The following ATXN1 variants were observed in gnomAD, a reference collection of about 807,000 sequenced individuals.
ATXN1 encodes ataxin 1, also known as ataxin-1.
Under a neutral mutation model 56.4 loss-of-function variants are expected in ATXN1, and 8 were observed. The observed-to-expected ratio is 0.14, with a 90% CI of 0.08 to 0.26. The LOEUF (loss-of-function observed/expected upper bound fraction) is 0.26, where lower values mean the gene tolerates loss of function less well. Ranked by LOEUF, ATXN1 falls within the 10% of genes least tolerant of loss-of-function variation. ATXN1 has a pLI of 1.00. For missense variants in ATXN1, 987 were observed against 1,106.5 expected, an observed-to-expected ratio of 0.89 and a Z score of 1.53; for synonymous variants, 514 against 494.6, an observed-to-expected ratio of 1.04 and a Z score of -0.52.
chr6:16,601,255 C>CT (rs1278230079), intron 3 of ATXN1, among the ~76,000 whole-genome samples: 5 of 152,116 alleles, frequency 3.3e-5, no homozygotes, highest in African/African-American at 1.2e-4. Context: ...TGTAGGTAGT[C>CT]TAAGTTATGT....
At chr6:16,485,874 T>A (rs931037740) in intron 6 of ATXN1, 98 bp downstream of exon 6, 6 of 152,224 alleles carry the variant, frequency 3.9e-5, no homozygotes, top group African/African-American at 1.4e-4. Context: ...CTAGAGCTCA[T>A]GCTAATACCC....
chr6:16,567,498 G>C (rs936258742), intron 4 of ATXN1, among the ~76,000 whole-genome samples: 52 of 152,098 alleles, frequency 3.4e-4, no homozygotes, highest in African/African-American at 1.2e-3. Flanking sequence ...TGTGAGGGGG[G>C]AACAAAGTAT....
chr6:16,733,482 G>A (rs911715262), intron 2 of ATXN1, among the ~76,000 whole-genome samples: 1 of 151,290 alleles, frequency 6.6e-6, no homozygotes, highest in Non-Finnish European at 1.5e-5. Context: ...AGGATCACTT[G>A]AGCCCAAGGG....
At chr6:16,730,963 G>T (rs532248079) in intron 2 of ATXN1, among the ~76,000 whole-genome samples, 37 of 152,240 alleles carry the variant, frequency 2.4e-4, no homozygotes, top group Non-Finnish European at 4.9e-4. Flanking sequence ...TTTAAAAGTA[G>T]CTCATATTGA....
Position 16,402,242 on chromosome 6 carries a change from GTTTTTTTTTTTTTTTTTTTTTTT to G in ATXN1, c.-160-73795_-160-73773del, listed in dbSNP as rs58048762. The stretch of plus-strand genomic sequence containing the variant: ...CAAGACTTCTCGCCAACCACTGACA[GTTTTTTTTTTTTTTTTTTTTTTT>G]TTTTTTTTTTTTTTTGCTTCTAGTT... On this transcript the variant is annotated intron_variant, in intron 6 of 7. Coordinates refer to ENST00000436367, the MANE Select transcript of ATXN1 (RefSeq NM_001128164.2). Among the ~76,000 whole-genome samples the G allele has an allele frequency of 3.9e-3, 240 of 62,124 alleles. 2 individuals carry two copies. Among genetic ancestry groups the G allele is most frequent in the African/African-American group, 0.015 (223 of 15,010 alleles). 40.8% of individuals were successfully genotyped at this position (62,124 alleles called of 152,430 possible). A position where few individuals can be genotyped will look rare whatever the true frequency, so the allele number is the denominator to read the frequency against.
chr6:16,493,446 G>GTTT (rs1174959883), intron 5 of ATXN1, among the ~76,000 whole-genome samples: 4 of 115,460 alleles, frequency 3.5e-5, no homozygotes, highest in Admixed American at 8.8e-5. Context: ...TCAATCAGAA[G>GTTT]TTTTTTTTTT....
intron 3 of ATXN1, among the ~76,000 whole-genome samples, chr6:16,623,220 C>G (rs1763350131): frequency 6.6e-6 from 1 of 152,098 alleles, no homozygotes; most frequent in Admixed American, 6.6e-5. Flanking sequence ...TAGGAAACAC[C>G]TAGAAGGAAA....
At chr6:16,603,082 C>T (rs532646205) in intron 3 of ATXN1, among the ~76,000 whole-genome samples, 4 of 152,262 alleles carry the variant, frequency 2.6e-5, no homozygotes, top group East Asian at 1.9e-4. Context: ...TAAAAGCAGC[C>T]GACTGGGATT....
chr6:16,704,148 G>A (rs548399219), intron 2 of ATXN1, among the ~76,000 whole-genome samples: 4 of 152,302 alleles, frequency 2.6e-5, no homozygotes, highest in East Asian at 3.9e-4. Context: ...CACACTGTAC[G>A]AATGTTTTGG....
intron 7 of ATXN1, among the ~76,000 whole-genome samples, chr6:16,319,779 G>C (rs1000407938): frequency 1.7e-4 from 26 of 151,728 alleles, no homozygotes; most frequent in African/African-American, 6.1e-4. Flanking sequence ...ACAACAGTCT[G>C]AGAGAATCAA....
intron 7 of ATXN1, among the ~76,000 whole-genome samples, chr6:16,309,120 C>T (rs1760325817): frequency 6.6e-6 from 1 of 151,260 alleles, no homozygotes; most frequent in Non-Finnish European, 1.5e-5. Flanking sequence ...GTCCCAACTA[C>T]TCAGGAGGCT....
rs1241163520 is a variant in ATXN1 at position 16,753,223 on chromosome 6, A to G, written c.-615+10T>C. 13 of 456,626 alleles carry G rather than the reference A, an allele frequency of 2.8e-5. No homozygotes were observed. Among genetic ancestry groups the G allele is most frequent in the Admixed American group, 2.6e-4 (11 of 42,582 alleles). 28.3% of individuals were successfully genotyped at this position (456,626 alleles called of 1,614,324 possible). On this transcript the variant is annotated intron_variant, in intron 2 of 7. Coordinates refer to ENST00000436367, the MANE Select transcript of ATXN1 (RefSeq NM_001128164.2). Reference sequence around the variant, plus strand: ...CAGATGGAAAACAGAGAGCATCGCAAAACTCTCACCTGACATGTGATGCAC... The same window carrying G: ...CAGATGGAAAACAGAGAGCATCGCAGAACTCTCACCTGACATGTGATGCAC...
At chr6:16,437,360 C>T (rs1396572671) in intron 6 of ATXN1, among the ~76,000 whole-genome samples, 1 of 152,188 alleles carries the variant, frequency 6.6e-6, no homozygotes, top group Non-Finnish European at 1.5e-5. Context: ...GGATAAGTTC[C>T]ATCCACTGGC....
chr6:16,546,142 A>G (rs1055568268), intron 4 of ATXN1, among the ~76,000 whole-genome samples: 1 of 152,184 alleles, frequency 6.6e-6, no homozygotes, highest in Admixed American at 6.5e-5. Context: ...TGCATTTTAG[A>G]AGCAGAAGGT....
intron 3 of ATXN1, among the ~76,000 whole-genome samples, chr6:16,631,117 G>C (rs1202983742): frequency 1.3e-5 from 2 of 152,226 alleles, no homozygotes; most frequent in Non-Finnish European, 2.9e-5. Context: ...CAGCAGTCCT[G>C]TGAGGCAGGA....
chr6:16,540,298 G>A (rs761716998), intron 4 of ATXN1, among the ~76,000 whole-genome samples: 11 of 152,026 alleles, frequency 7.2e-5, no homozygotes, highest in East Asian at 3.9e-4. Context: ...TGCAACCTCC[G>A]CCTCCTGGGT....
In ATXN1 at chr6:16,301,586, C is replaced by A. The variant is rs536470198; in HGVS notation, c.*4743G>T. Reference sequence around the variant, plus strand: ...ACAAATGTGGAAGCAAAGGCCTCCACGCCACTTAAAAAAAAAAAAAGTGTA... The same window carrying A: ...ACAAATGTGGAAGCAAAGGCCTCCAAGCCACTTAAAAAAAAAAAAAGTGTA... On this transcript the variant is annotated 3_prime_UTR_variant, in exon 8 of 8. Coordinates refer to ENST00000436367, the MANE Select transcript of ATXN1 (RefSeq NM_001128164.2). 6.6e-6 allele frequency: 1 copy of A among 152,080 alleles called. No homozygotes were observed. Among genetic ancestry groups the A allele is most frequent in the East Asian group, 1.9e-4 (1 of 5,166 alleles). The allele number at this position is 152,080 out of a possible 1,614,324, so 9.4% of individuals were successfully genotyped here. A position where few individuals can be genotyped will look rare whatever the true frequency, so the allele number is the denominator to read the frequency against.
chr6:16,371,378 G>A (rs1762039843), intron 6 of ATXN1, among the ~76,000 whole-genome samples: 1 of 151,412 alleles, frequency 6.6e-6, no homozygotes, highest in African/African-American at 2.4e-5. Context: ...ATGTGAATGA[G>A]TGAGGATTTA....
intron 5 of ATXN1, among the ~76,000 whole-genome samples, chr6:16,512,781 G>A (rs1025819889): frequency 1.3e-5 from 2 of 152,018 alleles, no homozygotes; most frequent in Non-Finnish European, 2.9e-5. Flanking sequence ...TACAGCAACA[G>A]AAGAATGTAC....
Sources: gnomAD v4.1 joint callset for allele counts (sites outside exome capture counted in the v4.1 genomes callset) on GRCh38, gnomAD v4.1.1 for gene constraint, MANE v1.5 for transcripts, NCBI Gene and HGNC (gene_info 2026-07-23, HGNC 2026-07-21) for gene names.